Variants in NR3C2 observed in about 807,000 individuals in gnomAD.
NR3C2 encodes the protein nuclear receptor subfamily 3 group C member 2.
Under a neutral mutation model 86.4 loss-of-function variants are expected in NR3C2, and 15 were observed. The ratio of observed to expected loss-of-function variants is 0.17; its 90% CI spans 0.12 to 0.27. The LOEUF is 0.27. NR3C2 is among the 10% of genes least tolerant of loss of function. NR3C2 has a pLI of 1.00. For synonymous variants in NR3C2, 458 were observed against 450.5 expected (o/e 1.02, Z -0.21); for missense variants, 960 against 1,195.6 (o/e 0.80, Z 2.91).
intron 2 of NR3C2, among the ~76,000 whole-genome samples, chr4:148,323,413 C>G (rs1020384558): frequency 2.2e-4 from 32 of 146,776 alleles, no homozygotes; most frequent in African/African-American, 7.8e-4. Context: ...CCACCCAGTT[C>G]GAGCTTCCTG....
intron 5 of NR3C2, among the ~76,000 whole-genome samples, chr4:148,154,106 T>G (rs955338959): frequency 2.6e-5 from 4 of 151,904 alleles, no homozygotes; most frequent in Non-Finnish European, 4.4e-5. Context: ...CCGCCCAGGT[T>G]CAAGCGATTC....
At chr4:148,160,828 G>A (rs1332995187) in intron 4 of NR3C2, among the ~76,000 whole-genome samples, 6 of 151,898 alleles carry the variant, frequency 4.0e-5, no homozygotes, top group South Asian at 2.1e-4. Context: ...CATTTCTCCC[G>A]TCACCCTCAT....
At chr4:148,203,222 C>T (rs1439037168) in intron 3 of NR3C2, among the ~76,000 whole-genome samples, 4 of 151,846 alleles carry the variant, frequency 2.6e-5, no homozygotes, top group Non-Finnish European at 5.9e-5. Flanking sequence ...CTATATGTTT[C>T]GTAGAGCACC....
At chr4:148,083,963 AGAT>A (rs1730695946) in intron 8 of NR3C2, among the ~76,000 whole-genome samples, 2 of 152,190 alleles carry the variant, frequency 1.3e-5, no homozygotes, top group African/African-American at 4.8e-5. Flanking sequence ...CAAGAAAAGA[AGAT>A]GAGAGAAAAA....
At chr4:148,238,641 G>T (rs1392605746) in intron 3 of NR3C2, among the ~76,000 whole-genome samples, 1 of 152,070 alleles carries the variant, frequency 6.6e-6, no homozygotes, top group East Asian at 1.9e-4. Flanking sequence ...CAACTGTCCA[G>T]CATCTACCTA....
chr4:148,248,410 G>T (rs1244046018), intron 3 of NR3C2, among the ~76,000 whole-genome samples: 4 of 152,190 alleles, frequency 2.6e-5, no homozygotes, highest in Admixed American at 2.6e-4. Context: ...ATCCTGCACT[G>T]GTTTTCCAAT....
chr4:148,370,508 A>T (rs1384413673), intron 2 of NR3C2, among the ~76,000 whole-genome samples: 1 of 152,144 alleles, frequency 6.6e-6, no homozygotes, highest in Admixed American at 6.5e-5. Flanking sequence ...CTTTTTTTCA[A>T]ATACTGTATG....
intron 3 of NR3C2, among the ~76,000 whole-genome samples, chr4:148,204,514 C>T (rs1736903548): frequency 6.6e-6 from 1 of 152,160 alleles, no homozygotes; most frequent in Non-Finnish European, 1.5e-5. Context: ...ATATTATCCC[C>T]ATTTTGTCAA....
chr4:148,326,319 T>C (rs1465957534), intron 2 of NR3C2, among the ~76,000 whole-genome samples: 5 of 151,848 alleles, frequency 3.3e-5, no homozygotes, highest in Admixed American at 3.3e-4. Context: ...GATAATGTCA[T>C]GAACCCAGGA....
intron 2 of NR3C2, among the ~76,000 whole-genome samples, chr4:148,331,635 A>G (rs928415655): frequency 2.6e-5 from 4 of 152,354 alleles, no homozygotes; most frequent in African/African-American, 7.2e-5. Context: ...CCATAAATAT[A>G]TATGCATAGA....
chr4:148,322,461 T>C (rs1186760444), intron 2 of NR3C2, among the ~76,000 whole-genome samples: 1 of 111,568 alleles, frequency 9.0e-6, no homozygotes, highest in Non-Finnish European at 1.7e-5. Flanking sequence ...CTGGATAATA[T>C]CCTGCAGAGT....
intron 2 of NR3C2, among the ~76,000 whole-genome samples, chr4:148,365,041 C>T (rs1344930819): frequency 6.6e-6 from 1 of 152,136 alleles, no homozygotes; most frequent in East Asian, 1.9e-4. Flanking sequence ...CCCATGTGGA[C>T]AATCTGTGGT....
intron 2 of NR3C2, among the ~76,000 whole-genome samples, chr4:148,432,879 T>C (rs933476031): frequency 2.0e-5 from 3 of 152,174 alleles, no homozygotes; most frequent in African/African-American, 7.2e-5. Context: ...TTGGATAGTA[T>C]TCACCAAGAA....
chr4:148,307,167 A>G (rs3846328), intron 2 of NR3C2, among the ~76,000 whole-genome samples: 34,774 of 103,804 alleles, frequency 0.33, 4,130 homozygotes, highest in African/African-American at 0.38. Flanking sequence ...TAGGTTAAAA[A>G]TGCAAAAAAA....
chr4:148,440,012 C>T (rs1414547767), intron 1 of NR3C2, among the ~76,000 whole-genome samples: 1 of 152,214 alleles, frequency 6.6e-6, no homozygotes, highest in Non-Finnish European at 1.5e-5. Context: ...ACATTATTGA[C>T]AGGAGTCTCA....
chr4:148,237,354 C>A (rs1035177074), intron 3 of NR3C2, among the ~76,000 whole-genome samples: 1 of 152,132 alleles, frequency 6.6e-6, no homozygotes, highest in Non-Finnish European at 1.5e-5. Context: ...TGGAGGTGCT[C>A]CCCAAAACTA....
At chr4:148,128,166 A>G (rs1308686002) in intron 6 of NR3C2, among the ~76,000 whole-genome samples, 1 of 152,158 alleles carries the variant, frequency 6.6e-6, no homozygotes, top group Admixed American at 6.5e-5. Context: ...CTGAGCACCT[A>G]AACAATCTGA....
At chr4:148,222,023 A>C (rs915625358) in intron 3 of NR3C2, among the ~76,000 whole-genome samples, 1 of 152,144 alleles carries the variant, frequency 6.6e-6, no homozygotes, top group African/African-American at 2.4e-5. Context: ...AAAATAGTTA[A>C]TATAATATGT....
intron 3 of NR3C2, among the ~76,000 whole-genome samples, chr4:148,232,895 C>A (rs1032392103): frequency 6.6e-6 from 1 of 152,194 alleles, no homozygotes; most frequent in Non-Finnish European, 1.5e-5. Context: ...CATGAACCAA[C>A]CTCTGCAAGC....
Sources: gnomAD v4.1 joint callset for allele counts (sites outside exome capture counted in the v4.1 genomes callset) on GRCh38, gnomAD v4.1.1 for gene constraint, MANE v1.5 for transcripts, NCBI Gene and HGNC (gene_info 2026-07-23, HGNC 2026-07-21) for gene names.